GPR149: variants seen among roughly 807,000 people sequenced by gnomAD.
GPR149 encodes probable G protein-coupled receptor 149.
GPR149 carries 50 observed loss-of-function variants against 50.2 expected under a neutral mutation model. The observed-to-expected ratio is 1.00, with a 90% CI of 0.79 to 1.26. GPR149 has a LOEUF of 1.26. Ranked by LOEUF, GPR149 falls within the 50% of genes most tolerant of loss-of-function variation. The pLI is 0.00. For missense variants in GPR149, 983 were observed against 895.4 expected, an observed-to-expected ratio of 1.10 and a Z score of -1.25; for synonymous variants, 405 against 358.2, an observed-to-expected ratio of 1.13 and a Z score of -1.48.
intron 3 of GPR149, among the ~76,000 whole-genome samples, chr3:154,360,648 T>C (rs766933582): frequency 5.9e-5 from 9 of 152,206 alleles, no homozygotes; most frequent in South Asian, 2.1e-4. Context: ...TATATTTTTA[T>C]TGAGTACTTA....
intron 3 of GPR149, among the ~76,000 whole-genome samples, chr3:154,378,087 CCTT>C (rs74771989): frequency 0.032 from 4,068 of 126,062 alleles, 117 homozygotes; most frequent in Middle Eastern, 0.052. Context: ...ATCCCCCCCC[CCTT>C]TTTTTTTTTT....
At chr3:154,369,574 A>G (rs1323445215) in intron 3 of GPR149, among the ~76,000 whole-genome samples, 4 of 152,226 alleles carry the variant, frequency 2.6e-5, no homozygotes, top group Non-Finnish European at 5.9e-5. Context: ...CACCGGAAAG[A>G]GAACGTAAAC....
intron 3 of GPR149, among the ~76,000 whole-genome samples, chr3:154,350,598 A>G (rs1714054134): frequency 6.6e-6 from 1 of 152,212 alleles, no homozygotes; most frequent in Non-Finnish European, 1.5e-5. Context: ...GACAGTAAAG[A>G]TATCAATTCT....
intron 3 of GPR149, among the ~76,000 whole-genome samples, chr3:154,339,195 C>G (rs1713725278): frequency 2.6e-5 from 4 of 152,120 alleles, no homozygotes. Context: ...GGTAACTTGT[C>G]AGAAATACAG....
intron 3 of GPR149, among the ~76,000 whole-genome samples, chr3:154,399,965 C>T (rs919003820): frequency 4.6e-5 from 7 of 152,222 alleles, no homozygotes; most frequent in African/African-American, 1.4e-4. Flanking sequence ...ATACGTGTGT[C>T]AATAATTGTA....
intron 2 of GPR149, among the ~76,000 whole-genome samples, chr3:154,422,583 G>A (rs781339608): frequency 4.0e-5 from 6 of 151,714 alleles, no homozygotes; most frequent in East Asian, 1.9e-4. Flanking sequence ...CAATATACCC[G>A]AGTGTCATTC....
chr3:154,369,413 TC>T (rs1223784106), intron 3 of GPR149, among the ~76,000 whole-genome samples: 2 of 152,166 alleles, frequency 1.3e-5, no homozygotes, highest in Non-Finnish European at 2.9e-5. Flanking sequence ...TCTTTGCCCT[TC>T]GTGACAATAC....
chr3:154,341,440 A>T (rs1713798832), intron 3 of GPR149, among the ~76,000 whole-genome samples: 2 of 149,892 alleles, frequency 1.3e-5, no homozygotes, highest in Middle Eastern at 3.5e-3. Context: ...AGAGTTTAGT[A>T]AGGTGGCTGA....
chr3:154,413,205 G>A (rs1007327270), intron 3 of GPR149, among the ~76,000 whole-genome samples: 9 of 151,958 alleles, frequency 5.9e-5, no homozygotes, highest in African/African-American at 1.7e-4. Context: ...TATTCTATAG[G>A]ATAAAATTGG....
chr3:154,413,833 A>G (rs955579810), intron 3 of GPR149, among the ~76,000 whole-genome samples: 2 of 151,902 alleles, frequency 1.3e-5, no homozygotes, highest in Admixed American at 6.6e-5. Context: ...GAGTCATTAT[A>G]TGAAAAAGAT....
At chr3:154,361,669 G>T (rs748413557) in intron 3 of GPR149, among the ~76,000 whole-genome samples, 2 of 152,026 alleles carry the variant, frequency 1.3e-5, no homozygotes, top group Non-Finnish European at 2.9e-5. Context: ...AACTTGTTAG[G>T]GTTTCAGAAT....
chr3:154,344,664 T>C (rs1167834470), intron 3 of GPR149, among the ~76,000 whole-genome samples: 2 of 152,136 alleles, frequency 1.3e-5, no homozygotes, highest in Admixed American at 6.5e-5. Context: ...AAGACAGTCA[T>C]GTGAAGATGC....
In GPR149 at chr3:154,380,498, TCTACA is replaced by T. The variant is rs151175566; in HGVS notation, c.1623+40536_1623+40540del. 4.0e-3 allele frequency among the ~76,000 whole-genome samples: 615 copies of T among 152,274 alleles called. 19 individuals carry two copies. In the East Asian group the frequency reaches 0.074, roughly 18 times the overall value. ...AACCATATTTTGCAACGGAACTGCC[TCTACA>T]CTATTCCTACATTTATATGATTGCA... is the stretch of plus-strand genomic sequence containing the variant. On this transcript the variant is annotated intron_variant, in intron 3 of 3. Coordinates refer to ENST00000389740, the MANE Select transcript of GPR149 (RefSeq NM_001038705.3).
At chr3:154,365,016 C>T (rs77076713) in intron 3 of GPR149, among the ~76,000 whole-genome samples, 202 of 152,284 alleles carry the variant, frequency 1.3e-3, no homozygotes, top group African/African-American at 4.8e-3. Context: ...CTAGGCATTG[C>T]TCTACTGGAG....
intron 3 of GPR149, among the ~76,000 whole-genome samples, chr3:154,401,699 C>A (rs534984782): frequency 6.6e-6 from 1 of 152,146 alleles, no homozygotes; most frequent in South Asian, 2.1e-4. Context: ...GTCAAGACTG[C>A]AATTTTGGCT....
intron 3 of GPR149, among the ~76,000 whole-genome samples, chr3:154,350,707 G>T (rs533934046): frequency 6.6e-5 from 10 of 152,098 alleles, no homozygotes; most frequent in African/African-American, 2.4e-4. Context: ...AAAATGAAAA[G>T]GTACATGAAC....
intron 3 of GPR149, 134 bp downstream of exon 3, chr3:154,420,905 G>A (rs951809281): frequency 1.4e-5 from 9 of 649,000 alleles, no homozygotes; most frequent in African/African-American, 5.5e-5. Context: ...AAATTAAATA[G>A]CATGGAAATT....
chr3:154,428,557 AC>A lies in GPR149; in HGVS notation c.981+77del, dbSNP rs1366644991. The A allele has an allele frequency of 1.3e-5, 20 of 1,489,520 alleles. No homozygotes were observed. In the East Asian group the frequency reaches 3.9e-4, roughly 29 times the overall value. The allele number at this position is 1,489,520 out of a possible 1,614,324, so 92.3% of individuals were successfully genotyped here. ...TGTGTGTCTCTTGGTGACTCCCCAAACCGGCGACGCCGGTCCCAACACTCAT... is the reference window on the plus strand; with the variant it reads ...TGTGTGTCTCTTGGTGACTCCCCAAACGGCGACGCCGGTCCCAACACTCAT... On this transcript the variant is annotated intron_variant, in intron 1 of 3. Coordinates refer to ENST00000389740, the MANE Select transcript of GPR149 (RefSeq NM_001038705.3).
At chr3:154,403,066 G>T (rs1711585765) in intron 3 of GPR149, among the ~76,000 whole-genome samples, 2 of 152,160 alleles carry the variant, frequency 1.3e-5, no homozygotes, top group South Asian at 2.1e-4. Context: ...AAAAATGAAT[G>T]AGAGGACTTG....
Sources: gnomAD v4.1 joint callset for allele counts (sites outside exome capture counted in the v4.1 genomes callset) on GRCh38, gnomAD v4.1.1 for gene constraint, MANE v1.5 for transcripts, NCBI Gene and HGNC (gene_info 2026-07-23, HGNC 2026-07-21) for gene names.